The following ZFP64 variants were observed in gnomAD, a reference collection of about 807,000 sequenced individuals.
The protein encoded by ZFP64 is ZFP64 zinc finger protein.
A neutral mutation model predicts 51.6 loss-of-function variants in ZFP64; 14 were observed. The observed-to-expected ratio is 0.27, with a 90% confidence interval of 0.18 to 0.42. ZFP64 has a LOEUF of 0.42. ZFP64 is among the 10% of genes least tolerant of loss of function. The probability of loss-of-function intolerance (pLI) is 1.00; values close to 1 mark genes in which losing one functional copy is unlikely to be tolerated. For synonymous variants in ZFP64, 375 were observed against 361.4 expected, an observed-to-expected ratio of 1.04 and a Z score of -0.43; for missense variants, 754 against 906.8, an observed-to-expected ratio of 0.83 and a Z score of 2.16.
intron 2 of ZFP64, among the ~76,000 whole-genome samples, chr20:52,171,624 G>A (rs945045006): frequency 6.6e-6 from 1 of 151,900 alleles, no homozygotes; most frequent in Non-Finnish European, 1.5e-5. Flanking sequence ...CTAGTGGCTG[G>A]GATTACAGGC....
exon 9 of ZFP64, chr20:52,084,860 C>A (rs775157256): frequency 1.2e-6 from 2 of 1,613,976 alleles, no homozygotes; most frequent in African/African-American, 2.7e-5. Context: ...CGTCCCTGTG[C>A]ACCTTGTCGA....
chr20:52,129,561 A>G (rs941358396), intron 5 of ZFP64, among the ~76,000 whole-genome samples: 1 of 152,068 alleles, frequency 6.6e-6, no homozygotes, highest in Non-Finnish European at 1.5e-5. Flanking sequence ...GCACCTTAGA[A>G]TGCTCATTTC....
chr20:52,085,417 T>C lies in ZFP64; in HGVS notation c.1229-151A>G. On this transcript the variant is annotated intron_variant, in intron 8 of 8. Coordinates refer to the ZFP64 transcript ENST00000361387. This position sits in a 1 kb window ranked among gnomAD's most constrained non-coding sequence, Gnocchi z 4.3. ...TAATGACAACACTTGTTGTGCATATTAATGCAATCCTCACAACAATCCTAT... is the reference window on the plus strand; with the variant it reads ...TAATGACAACACTTGTTGTGCATATCAATGCAATCCTCACAACAATCCTAT... The C allele has an allele frequency of 1.2e-6, 1 of 832,236 alleles. No homozygotes were observed. The highest frequency in any genetic ancestry group is 1.8e-6 in the Non-Finnish European group (1 of 545,204). 51.6% of individuals were successfully genotyped at this position (832,236 alleles called of 1,614,324 possible). A position where few individuals can be genotyped will look rare whatever the true frequency, so the allele number is the denominator to read the frequency against.
At chr20:52,125,325 A>G (rs1205880994) in intron 5 of ZFP64, among the ~76,000 whole-genome samples, 3 of 152,152 alleles carry the variant, frequency 2.0e-5, no homozygotes, top group African/African-American at 7.2e-5. Flanking sequence ...GTGGAGAGCC[A>G]GGCTCAGGTG....
chr20:52,094,533 G>C (rs371733109), intron 7 of ZFP64, among the ~76,000 whole-genome samples: 11 of 152,200 alleles, frequency 7.2e-5, no homozygotes, highest in African/African-American at 2.4e-4. Context: ...GGCCGAGGCA[G>C]GAAGATCACT....
intron 8 of ZFP64, among the ~76,000 whole-genome samples, chr20:52,086,374 G>C (rs1178281785): frequency 6.6e-6 from 1 of 152,026 alleles, no homozygotes; most frequent in Non-Finnish European, 1.5e-5. Flanking sequence ...TGCTCATTTG[G>C]GGGCACATTT....
intron 5 of ZFP64, among the ~76,000 whole-genome samples, chr20:52,135,644 GC>G (rs1979933593): frequency 6.6e-6 from 1 of 151,914 alleles, no homozygotes; most frequent in African/African-American, 2.4e-5. Context: ...GTGTCATCAA[GC>G]CCAGCTAATT....
intron 2 of ZFP64, among the ~76,000 whole-genome samples, chr20:52,179,331 T>A (rs1446167611): frequency 1.3e-5 from 2 of 152,192 alleles, no homozygotes; most frequent in African/African-American, 4.8e-5. Flanking sequence ...ATCAGGAGCA[T>A]GAAAACGGAC....
chr20:52,087,857 A>G (rs2078880715), intron 8 of ZFP64, among the ~76,000 whole-genome samples: 1 of 152,278 alleles, frequency 6.6e-6, no homozygotes, highest in African/African-American at 2.4e-5. Flanking sequence ...AAACATCACT[A>G]TGTTCCTGTC....
At chr20:52,140,899 C>T (rs765460034) in intron 5 of ZFP64, among the ~76,000 whole-genome samples, 31 of 152,140 alleles carry the variant, frequency 2.0e-4, no homozygotes, top group Non-Finnish European at 3.5e-4. Flanking sequence ...TTGTTAGGGG[C>T]TAATGTAGCT....
chr20:52,129,830 C>A (rs1180350697), intron 5 of ZFP64, among the ~76,000 whole-genome samples: 1 of 152,212 alleles, frequency 6.6e-6, no homozygotes, highest in Non-Finnish European at 1.5e-5. Flanking sequence ...AGGGATCCTG[C>A]CTGCCCTGTG....
At chr20:52,104,860 CT>C in intron 5 of ZFP64, 1 of 662,066 alleles carries the variant, frequency 1.5e-6, no homozygotes, top group African/African-American at 1.8e-5. Context: ...TCTGAGCATC[CT>C]TCCAGCGTGT....
At chr20:52,129,246 G>A (rs933987245) in intron 5 of ZFP64, among the ~76,000 whole-genome samples, 1 of 151,508 alleles carries the variant, frequency 6.6e-6, no homozygotes, top group African/African-American at 2.4e-5. Context: ...CACGCCCGGT[G>A]AATTTTTTTT....
intron 5 of ZFP64, among the ~76,000 whole-genome samples, chr20:52,125,689 C>A (rs1167031041): frequency 2.0e-5 from 3 of 152,084 alleles, no homozygotes; most frequent in Non-Finnish European, 4.4e-5. Flanking sequence ...CACTATCTTC[C>A]ACTGAGATGA....
In ZFP64 at chr20:52,153,985, C is replaced by T. The variant is rs1481313892; in HGVS notation, c.764-557G>A. ...CACAAAATTTATTTATCCCATATTG[C>T]CAGCTGCGTTCTTTACTTGTGAAGT... On this transcript the variant is annotated intron_variant, in intron 5 of 5. Transcript: ENST00000216923. The surrounding 1 kb of genome is among the most constrained non-coding windows in gnomAD (Gnocchi z 5.1). Among the ~76,000 whole-genome samples the T allele has an allele frequency of 6.6e-5, 10 of 152,114 alleles. No individual in the cohort carries two copies. The highest frequency in any genetic ancestry group is 2.4e-4 in the African/African-American group (10 of 41,398).
At chr20:52,099,210 G>A (rs757015618) in intron 5 of ZFP64, among the ~76,000 whole-genome samples, 1 of 152,048 alleles carries the variant, frequency 6.6e-6, no homozygotes, top group Non-Finnish European at 1.5e-5. Context: ...ATCCCAGGCT[G>A]ATATTTCTGT....
intron 5 of ZFP64, among the ~76,000 whole-genome samples, chr20:52,119,535 T>TA (rs1174939961): frequency 1.8e-5 from 1 of 55,680 alleles, no homozygotes; most frequent in Non-Finnish European, 3.8e-5. Flanking sequence ...AAAAAAAAAA[T>TA]ATATATATAT....
chr20:52,105,597 C>G (rs1279280995), intron 5 of ZFP64: 1 of 182,458 alleles, frequency 5.5e-6, no homozygotes, highest in Non-Finnish European at 1.1e-5. Flanking sequence ...TGCATTTTAA[C>G]GAGATCCCCA....
At chr20:52,097,281 A>G in intron 7 of ZFP64, 1 of 1,441,316 alleles carries the variant, frequency 6.9e-7, no homozygotes, top group Non-Finnish European at 9.7e-7. Flanking sequence ...GATGAGGCAG[A>G]GACTGTCCTG....
Sources: gnomAD v4.1 joint callset for allele counts (sites outside exome capture counted in the v4.1 genomes callset) on GRCh38, gnomAD v4.1.1 for gene constraint, Gnocchi (gnomAD v3.1) non-coding constraint, MANE v1.5 for transcripts, NCBI Gene and HGNC (gene_info 2026-07-23, HGNC 2026-07-21) for gene names.